The following ST6GALNAC3 variants were observed in gnomAD, a reference collection of about 807,000 sequenced individuals.
ST6GALNAC3 encodes alpha-N-acetylgalactosaminide alpha-2,6-sialyltransferase 3.
Under a neutral mutation model 32.7 loss-of-function variants are expected in ST6GALNAC3, and 25 were observed. The ratio of observed to expected loss-of-function variants is 0.76; its 90% confidence interval spans 0.56 to 1.07. The LOEUF (loss-of-function observed/expected upper bound fraction) is 1.07. Among genes scored for constraint, ST6GALNAC3 ranks in the 50% least tolerant of loss-of-function variants. The pLI, the probability that ST6GALNAC3 is intolerant of heterozygous loss-of-function variation, is 0.00. For synonymous variants in ST6GALNAC3, 129 were observed against 133.1 expected (o/e 0.97, Z 0.21); for missense variants, 355 against 382.4 (o/e 0.93, Z 0.60).
chr1:76,622,748 A>G (rs193169824), intron 3 of ST6GALNAC3, among the ~76,000 whole-genome samples: 124 of 152,100 alleles, frequency 8.2e-4, no homozygotes, highest in Admixed American at 3.7e-3. Flanking sequence ...TCAGAACCCA[A>G]CTCATTGAGC....
chr1:76,099,756 T>C (rs1436351127), intron 1 of ST6GALNAC3, among the ~76,000 whole-genome samples: 1 of 152,148 alleles, frequency 6.6e-6, no homozygotes, highest in African/African-American at 2.4e-5. Context: ...CTAAACCACA[T>C]CCTAAAAATG....
At position 76,292,003 on chromosome 1, in the gene ST6GALNAC3, C is replaced by T. The variant is rs927674753; in HGVS notation, c.19-21802C>T. Among the ~76,000 whole-genome samples the T allele has an allele frequency of 5.3e-5, 8 of 152,296 alleles. No homozygotes were observed. In the South Asian group the frequency reaches 6.2e-4, roughly 12 times the overall value. On this transcript the variant is annotated intron_variant, in intron 1 of 4. Coordinates refer to ENST00000328299, the MANE Select transcript of ST6GALNAC3 (RefSeq NM_152996.4). ...GCTTGCAGCCTTAAATTGAATAAGC[C>T]GTGTTACTGGGGGAGATTTATGGCC...
intron 3 of ST6GALNAC3, among the ~76,000 whole-genome samples, chr1:76,613,419 C>G (rs1460154232): frequency 6.6e-6 from 1 of 152,150 alleles, no homozygotes; most frequent in Non-Finnish European, 1.5e-5. Flanking sequence ...TCAATCCTAC[C>G]AGATAAAGTC....
chr1:76,604,415 G>A (rs1385177716), intron 3 of ST6GALNAC3, among the ~76,000 whole-genome samples: 4 of 152,144 alleles, frequency 2.6e-5, no homozygotes, highest in Non-Finnish European at 5.9e-5. Context: ...CTCTATGAGA[G>A]ATGTAGAGAA....
At chr1:76,558,026 C>G (rs1158363195) in intron 3 of ST6GALNAC3, among the ~76,000 whole-genome samples, 1 of 151,960 alleles carries the variant, frequency 6.6e-6, no homozygotes, top group East Asian at 1.9e-4. Context: ...TCCCCAAAAA[C>G]AAAACTACAA....
intron 2 of ST6GALNAC3, among the ~76,000 whole-genome samples, chr1:76,367,151 C>A (rs955392635): frequency 1.3e-5 from 2 of 152,158 alleles, no homozygotes; most frequent in African/African-American, 4.8e-5. Context: ...GCTCATTATT[C>A]ATGTAATTAT....
At chr1:76,340,483 A>T (rs1177444403) in intron 2 of ST6GALNAC3, among the ~76,000 whole-genome samples, 2 of 152,200 alleles carry the variant, frequency 1.3e-5, no homozygotes, top group Non-Finnish European at 2.9e-5. Context: ...GGGCATACAA[A>T]GAGAGAAATC....
downstream of ST6GALNAC3, among the ~76,000 whole-genome samples, chr1:76,636,008 A>T (rs1189586539): frequency 6.6e-6 from 1 of 152,122 alleles, no homozygotes; most frequent in Non-Finnish European, 1.5e-5. Flanking sequence ...AAAAGAAAAC[A>T]CTGAGTTTTG....
intron 1 of ST6GALNAC3, among the ~76,000 whole-genome samples, chr1:76,237,456 A>T (rs910241442): frequency 1.3e-5 from 2 of 152,200 alleles, no homozygotes; most frequent in Non-Finnish European, 2.9e-5. Flanking sequence ...GATGAAGGCC[A>T]CTTTAGCTAA....
intron 2 of ST6GALNAC3, among the ~76,000 whole-genome samples, chr1:76,402,268 A>G (rs1653483823): frequency 6.6e-6 from 1 of 152,262 alleles, no homozygotes; most frequent in Middle Eastern, 3.4e-3. Flanking sequence ...TATGCAAGCC[A>G]CATTCTTCTC....
At chr1:76,458,548 T>G (rs1270246388) in intron 3 of ST6GALNAC3, among the ~76,000 whole-genome samples, 2 of 145,924 alleles carry the variant, frequency 1.4e-5, no homozygotes, top group Admixed American at 1.4e-4. Flanking sequence ...TGGAATACTA[T>G]GCAGCCATAA....
At chr1:76,074,976 A>C in intron 1 of ST6GALNAC3, 92 bp downstream of exon 1, 20 of 1,470,742 alleles carry the variant, frequency 1.4e-5, no homozygotes, top group East Asian at 2.5e-5. Flanking sequence ...CCGCATCCTC[A>C]TCTCAGTTGT....
At chr1:76,533,114 G>T (rs534987045) in intron 3 of ST6GALNAC3, among the ~76,000 whole-genome samples, 1 of 152,118 alleles carries the variant, frequency 6.6e-6, no homozygotes, top group Admixed American at 6.6e-5. Context: ...ACTTATGCAA[G>T]TCATTATTTA....
chr1:76,280,309 T>C (rs1349097176), intron 1 of ST6GALNAC3, among the ~76,000 whole-genome samples: 2 of 152,226 alleles, frequency 1.3e-5, no homozygotes, highest in African/African-American at 4.8e-5. Context: ...TTCTCAAAAA[T>C]ATGTTGATAA....
At chr1:76,543,446 T>C (rs1279526624) in intron 3 of ST6GALNAC3, among the ~76,000 whole-genome samples, 1 of 152,246 alleles carries the variant, frequency 6.6e-6, no homozygotes, top group Non-Finnish European at 1.5e-5. Context: ...TGTATGGGCA[T>C]GCCTTCACCT....
Position 76,099,321 on chromosome 1 carries a change from T to C in ST6GALNAC3, c.18+24437T>C, listed in dbSNP as rs538865522. 2.0e-5 allele frequency among the ~76,000 whole-genome samples: 3 copies of C among 152,294 alleles called. No individual in the cohort carries two copies. The South Asian group carries it at 6.2e-4, about 32-fold the overall frequency. The stretch of plus-strand genomic sequence containing the variant: ...GGATCTTATTTACTGAGTTTTTATT[T>C]AAGACTGCATTGAATCCTTAAAAAT... On this transcript the variant is annotated intron_variant, in intron 1 of 4. Coordinates refer to ENST00000328299, the MANE Select transcript of ST6GALNAC3 (RefSeq NM_152996.4).
intron 3 of ST6GALNAC3, among the ~76,000 whole-genome samples, chr1:76,514,626 A>G (rs1181920054): frequency 6.6e-6 from 1 of 152,110 alleles, no homozygotes; most frequent in African/African-American, 2.4e-5. Flanking sequence ...CTTTACACAC[A>G]TATGCTCTTC....
At chr1:76,081,899 G>A (rs971831096) in intron 1 of ST6GALNAC3, among the ~76,000 whole-genome samples, 2 of 152,210 alleles carry the variant, frequency 1.3e-5, no homozygotes, top group African/African-American at 2.4e-5. Context: ...GAACCAAAGA[G>A]ATAATGCTTG....
intron 1 of ST6GALNAC3, among the ~76,000 whole-genome samples, chr1:76,274,600 A>G (rs1308557183): frequency 1.3e-5 from 2 of 152,184 alleles, no homozygotes; most frequent in African/African-American, 4.8e-5. Context: ...CAATCAATAC[A>G]AGAATGTCAG....
Sources: allele counts gnomAD v4.1 joint callset (sites outside exome capture counted in the v4.1 genomes callset), GRCh38; gene constraint gnomAD v4.1.1; transcripts MANE v1.5; gene names NCBI Gene and HGNC (gene_info 2026-07-23, HGNC 2026-07-21).